The following TRIQK variants were observed in gnomAD, a reference collection of about 807,000 sequenced individuals.
The protein encoded by TRIQK is triple QxxK/R motif-containing protein.
Under a neutral mutation model 10.8 loss-of-function variants are expected in TRIQK, and 10 were observed. That is an observed-to-expected ratio of 0.92 (90% CI 0.57 to 1.57). The LOEUF (loss-of-function observed/expected upper bound fraction) is 1.57. Ranked by LOEUF, TRIQK falls within the 40% of genes most tolerant of loss-of-function variation. The pLI is 0.00. For missense variants in TRIQK, 107 were observed against 97.7 expected, an observed-to-expected ratio of 1.09 and a Z score of -0.40; for synonymous variants, 33 against 33.7, an observed-to-expected ratio of 0.98 and a Z score of 0.07.
Position 92,884,659 on chromosome 8 carries a change from C to T in TRIQK, c.*1963G>A. The stretch of plus-strand genomic sequence containing the variant: ...CAAACATTTCCAAGACCATAACCAG[C>T]CATTTTAAGTACTGTAAACTCTGTT... On this transcript the variant is annotated 3_prime_UTR_variant, in exon 5 of 5. Transcript: ENST00000521988. 3 of 333,492 alleles carry T rather than the reference C, an allele frequency of 9.0e-6. No homozygotes were observed. Among genetic ancestry groups the T allele is most frequent in the South Asian group, 7.3e-5 (3 of 41,308 alleles). The allele number at this position is 333,492 out of a possible 1,614,324, so 20.7% of individuals were successfully genotyped here.
At chr8:93,010,310 G>A (rs538574940) in intron 1 of TRIQK, among the ~76,000 whole-genome samples, 1 of 152,022 alleles carries the variant, frequency 6.6e-6, no homozygotes, top group Admixed American at 6.6e-5. Context: ...TGATGTATAT[G>A]CTAATTACCA....
chr8:92,989,261 G>A (rs1354703459), intron 1 of TRIQK, among the ~76,000 whole-genome samples: 1 of 152,160 alleles, frequency 6.6e-6, no homozygotes, highest in East Asian at 1.9e-4. Flanking sequence ...AATAAAATAT[G>A]TCAGAATACC....
intron 3 of TRIQK, among the ~76,000 whole-genome samples, chr8:92,901,412 A>G (rs563559873): frequency 1.3e-5 from 2 of 152,196 alleles, no homozygotes; most frequent in Admixed American, 1.3e-4. Context: ...ACGTTGAGGT[A>G]TGTTCCTTCT....
intron 1 of TRIQK, among the ~76,000 whole-genome samples, chr8:92,987,124 T>C (rs1813040853): frequency 1.3e-5 from 2 of 152,226 alleles, no homozygotes; most frequent in South Asian, 4.1e-4. Flanking sequence ...CATCCCTGAA[T>C]CTAATCAAGT....
intron 3 of TRIQK, among the ~76,000 whole-genome samples, chr8:92,915,773 A>G (rs1809804045): frequency 1.2e-5 from 1 of 81,038 alleles, no homozygotes; most frequent in Non-Finnish European, 2.6e-5. Flanking sequence ...TGCTGGGATT[A>G]CTGGCGTTAA....
At chr8:92,979,809 T>G (rs550704726) in intron 1 of TRIQK, among the ~76,000 whole-genome samples, 9 of 152,134 alleles carry the variant, frequency 5.9e-5, no homozygotes, top group Non-Finnish European at 1.0e-4. Flanking sequence ...CCATTCAACT[T>G]ACTTTAATTT....
At chr8:93,009,376 G>A (rs988260850) in intron 1 of TRIQK, among the ~76,000 whole-genome samples, 6 of 152,128 alleles carry the variant, frequency 3.9e-5, no homozygotes, top group East Asian at 3.9e-4. Flanking sequence ...TTGGGAGGCC[G>A]AGGTGGGCAG....
intron 1 of TRIQK, among the ~76,000 whole-genome samples, chr8:92,986,502 C>G (rs191363484): frequency 6.6e-6 from 1 of 152,232 alleles, no homozygotes; most frequent in East Asian, 1.9e-4. Flanking sequence ...ATAATCACAA[C>G]TTAATTTACC....
chr8:93,004,864 T>G (rs1813252145), intron 1 of TRIQK, among the ~76,000 whole-genome samples: 1 of 152,164 alleles, frequency 6.6e-6, no homozygotes, highest in Non-Finnish European at 1.5e-5. Flanking sequence ...GTTCCTCATC[T>G]CCATCTGAGA....
intron 1 of TRIQK, among the ~76,000 whole-genome samples, chr8:93,013,885 G>C (rs1813359499): frequency 6.6e-6 from 1 of 152,146 alleles, no homozygotes; most frequent in Non-Finnish European, 1.5e-5. Context: ...TCAGTTTCAA[G>C]CTTCCAAGGA....
chr8:92,987,903 C>G (rs1237912436), intron 1 of TRIQK, among the ~76,000 whole-genome samples: 1 of 149,572 alleles, frequency 6.7e-6, no homozygotes, highest in South Asian at 2.1e-4. Context: ...CATATAGATA[C>G]AAAAGACACA....
chr8:92,916,854 T>A, intron 3 of TRIQK, 75 bp downstream of exon 3: 1 of 1,125,312 alleles, frequency 8.9e-7, no homozygotes, highest in South Asian at 2.2e-5. Context: ...TTAGAGAAAA[T>A]TTATTTTCTT....
rs928495858 is a variant in TRIQK, at chr8:92,884,907, C to T, written c.*1715G>A. On this transcript the variant is annotated 3_prime_UTR_variant, in exon 5 of 5. Transcript: ENST00000521988. ...ATGTCACTCAGGAAAGTAAAAGGCCCATCATATCCAAAATGCCAGCTTGGA... is the reference window on the plus strand; with the variant it reads ...ATGTCACTCAGGAAAGTAAAAGGCCTATCATATCCAAAATGCCAGCTTGGA... 8.8e-6 allele frequency: 4 copies of T among 456,078 alleles called. No homozygotes were observed. Among genetic ancestry groups the T allele is most frequent in the Non-Finnish European group, 1.8e-5 (4 of 226,700 alleles). 28.3% of individuals were successfully genotyped at this position (456,078 alleles called of 1,614,324 possible).
At chr8:92,898,479 T>G (rs1808726332) in intron 3 of TRIQK, among the ~76,000 whole-genome samples, 1 of 152,140 alleles carries the variant, frequency 6.6e-6, no homozygotes, top group Non-Finnish European at 1.5e-5. Flanking sequence ...AGATTTTAGT[T>G]AATTTTCAGG....
At chr8:92,947,902 T>C (rs558485581) in intron 2 of TRIQK, among the ~76,000 whole-genome samples, 1 of 152,198 alleles carries the variant, frequency 6.6e-6, no homozygotes, top group South Asian at 2.1e-4. Context: ...AGGAAAAAAA[T>C]GGCATCTTCT....
chr8:93,014,838 T>C (rs557145534), intron 1 of TRIQK, among the ~76,000 whole-genome samples: 1 of 152,198 alleles, frequency 6.6e-6, no homozygotes, highest in Admixed American at 6.5e-5. Context: ...AACTGATTGT[T>C]AGTTATTGAA....
At chr8:92,903,823 T>G (rs1465454983) in intron 3 of TRIQK, among the ~76,000 whole-genome samples, 3 of 152,112 alleles carry the variant, frequency 2.0e-5, no homozygotes, top group African/African-American at 4.8e-5. Flanking sequence ...ACAGGTCAAG[T>G]GCCTGTTATC....
At chr8:92,992,325 C>A (rs1424004534) in intron 1 of TRIQK, among the ~76,000 whole-genome samples, 1 of 152,166 alleles carries the variant, frequency 6.6e-6, no homozygotes, top group East Asian at 1.9e-4. Flanking sequence ...AAGCAAAACC[C>A]TCTGCCTCTG....
chr8:93,000,084 A>T (rs1482985897), intron 1 of TRIQK, among the ~76,000 whole-genome samples: 2 of 152,200 alleles, frequency 1.3e-5, no homozygotes, highest in Admixed American at 6.5e-5. Flanking sequence ...TTAAAAATAT[A>T]TTTGTATTCA....
Sources: gnomAD v4.1 joint callset for allele counts (sites outside exome capture counted in the v4.1 genomes callset) on GRCh38, gnomAD v4.1.1 for gene constraint, MANE v1.5 for transcripts, NCBI Gene and HGNC (gene_info 2026-07-23, HGNC 2026-07-21) for gene names.